Variants in CLDN2 observed in about 807,000 individuals in gnomAD.
The protein encoded by CLDN2 is claudin 2.
CLDN2 carries 1 observed loss-of-function variant against 8.2 expected under a neutral mutation model. The observed-to-expected ratio is 0.12, with a 90% confidence interval of 0.04 to 0.58. The LOEUF (loss-of-function observed/expected upper bound fraction) is 0.58, where lower values mean the gene tolerates loss of function less well. Among genes scored for constraint, CLDN2 ranks in the 20% least tolerant of loss-of-function variants. The probability of loss-of-function intolerance (pLI) is 0.90; values close to 1 mark genes in which losing one functional copy is unlikely to be tolerated. For missense variants in CLDN2, 108 were observed against 172.9 expected, an observed-to-expected ratio of 0.62 and a Z score of 2.11; for synonymous variants, 70 against 70.2, an observed-to-expected ratio of 1.00 and a Z score of 0.01.
intron 1 of CLDN2, among the ~76,000 whole-genome samples, chrX:106,925,031 G>A (rs1489667926): frequency 9.0e-6 from 1 of 111,175 alleles, no homozygotes; most frequent in Non-Finnish European, 1.9e-5. Flanking sequence ...ATAAGATATA[G>A]TCTTGCCCTC....
intron 1 of CLDN2, among the ~76,000 whole-genome samples, chrX:106,921,205 G>A (rs1331944841): frequency 8.9e-6 from 1 of 112,481 alleles, no homozygotes; most frequent in Non-Finnish European, 1.9e-5. Flanking sequence ...GTGTTCTAAA[G>A]TGAGAATGCT....
chrX:106,902,043 C>A (rs1224325075), intron 1 of CLDN2: 2 of 681,838 alleles, frequency 2.9e-6, no homozygotes, highest in Non-Finnish European at 4.5e-6. Context: ...CAGATCTGCA[C>A]CTTTGGACTG....
rs1933533914 is a variant in CLDN2, at chrX:106,930,274, A to T, written c.*1353A>T. ...AGTGATAGCTGCACTGCTGCCTGGGATTGCAGCTGAGGTGGGAGTGGAGAA... is the reference window on the plus strand; with the variant it reads ...AGTGATAGCTGCACTGCTGCCTGGGTTTGCAGCTGAGGTGGGAGTGGAGAA... On this transcript the variant is annotated 3_prime_UTR_variant, in exon 2 of 2. Transcript: ENST00000336803. The T allele has an allele frequency of 8.2e-6, 1 of 122,569 alleles. No homozygotes were observed. The highest frequency in any genetic ancestry group is 9.5e-5 in the Admixed American group (1 of 10,579). 10.1% of individuals were successfully genotyped at this position (122,569 alleles called of 1,213,427 possible).
chrX:106,926,827 A>ACACACACAC (rs1933474019), intron 1 of CLDN2, among the ~76,000 whole-genome samples: 1 of 62,587 alleles, frequency 1.6e-5, no homozygotes, highest in African/African-American at 6.7e-5. Flanking sequence ...ACACACACAC[A>ACACACACAC]ACTAGCCAGG....
upstream of CLDN2, among the ~76,000 whole-genome samples, chrX:106,919,859 C>T (rs1404008938): frequency 8.9e-6 from 1 of 112,511 alleles, no homozygotes; most frequent in Non-Finnish European, 1.9e-5. Flanking sequence ...GAGCCCTGTC[C>T]TTATGCTGGC....
chrX:106,923,114 A>G (rs1933416424), intron 1 of CLDN2, among the ~76,000 whole-genome samples: 2 of 110,519 alleles, frequency 1.8e-5, no homozygotes, highest in African/African-American at 6.6e-5. Flanking sequence ...AGCTGGGATT[A>G]CAGGCACATG....
intron 1 of CLDN2, among the ~76,000 whole-genome samples, chrX:106,925,533 T>A (rs1200458466): frequency 1.8e-5 from 2 of 112,129 alleles, no homozygotes; most frequent in Non-Finnish European, 3.8e-5. Context: ...GCTTGAGAGG[T>A]CATGGGGTAA....
At chrX:106,901,640 A>G (rs1326868277) in intron 1 of CLDN2, 1 of 827,576 alleles carries the variant, frequency 1.2e-6, no homozygotes, top group Non-Finnish European at 1.8e-6. Flanking sequence ...GATCTTGAAG[A>G]GACCTTAGAC....
chrX:106,911,114 A>AT (rs1327487160), intron 1 of CLDN2, among the ~76,000 whole-genome samples: 1 of 111,809 alleles, frequency 8.9e-6, no homozygotes, highest in Non-Finnish European at 1.9e-5. Context: ...GCCTTCCTCA[A>AT]TCTTTTACCA....
intron 1 of CLDN2, among the ~76,000 whole-genome samples, chrX:106,904,098 G>A (rs1013752933): frequency 2.7e-5 from 3 of 112,353 alleles, no homozygotes; most frequent in Non-Finnish European, 5.6e-5. Context: ...AGTTCTGCCC[G>A]ACTACAGAGC....
At chrX:106,900,582 G>A (rs372798446) in intron 1 of CLDN2, 9 of 914,308 alleles carry the variant, frequency 9.8e-6, no homozygotes, top group Admixed American at 4.0e-5. Context: ...TAATACTTCC[G>A]GCTAACTGAT....
intron 1 of CLDN2, among the ~76,000 whole-genome samples, chrX:106,907,696 G>A (rs894171824): frequency 1.1e-4 from 10 of 90,746 alleles, no homozygotes; most frequent in African/African-American, 2.9e-4. Context: ...GCGAGACTCC[G>A]TCTCAAAATA....
chrX:106,905,605 T>C (rs1933168232), intron 1 of CLDN2, among the ~76,000 whole-genome samples: 1 of 111,313 alleles, frequency 9.0e-6, no homozygotes, highest in African/African-American at 3.3e-5. Context: ...GGAGATGGTG[T>C]GCAAAGGAGG....
chrX:106,919,447 G>T (rs924965555), upstream of CLDN2, among the ~76,000 whole-genome samples: 1 of 111,090 alleles, frequency 9.0e-6, no homozygotes, highest in Admixed American at 9.6e-5. Flanking sequence ...GTTTGTTTTG[G>T]TTTGGTTTTA....
intron 1 of CLDN2, among the ~76,000 whole-genome samples, chrX:106,912,401 T>C (rs113162918): frequency 0.016 from 1,673 of 105,348 alleles, 14 homozygotes; most frequent in Non-Finnish European, 0.023. Context: ...GAATTTTTTA[T>C]GGAACTCTTT....
At chrX:106,927,685 T>C (rs1463840776) in intron 1 of CLDN2, among the ~76,000 whole-genome samples, 1 of 112,435 alleles carries the variant, frequency 8.9e-6, no homozygotes, top group Non-Finnish European at 1.9e-5. Context: ...TTCCTCCTGA[T>C]GTAGTCTGCA....
At chrX:106,912,448 C>G (rs1280727674) in intron 1 of CLDN2, among the ~76,000 whole-genome samples, 3 of 85,436 alleles carry the variant, frequency 3.5e-5, no homozygotes, top group African/African-American at 4.8e-5. Context: ...GAGTCTGGCT[C>G]TGTCATGCAG....
rs747096500 is a variant in CLDN2, at chrX:106,926,680, T to C, written c.-178-1371T>C. Among the ~76,000 whole-genome samples, 16 of 107,845 alleles carry C rather than the reference T, an allele frequency of 1.5e-4. No homozygotes were observed. The East Asian group carries it at 3.9e-3, about 26-fold the overall frequency. The allele number at this position is 107,845 out of a possible 115,157, so 93.7% of individuals were successfully genotyped here. On this transcript the variant is annotated intron_variant, in intron 1 of 1. Coordinates refer to ENST00000336803, the MANE Select transcript of CLDN2 (RefSeq NM_020384.4). ...GAGTTCAAGACCAGTGTGGGCAACA[T>C]GGCAAAACCTGGTCTCTACAAAAAA...
upstream of CLDN2, among the ~76,000 whole-genome samples, chrX:106,916,029 A>C (rs1933305330): frequency 9.2e-6 from 1 of 108,950 alleles, no homozygotes; most frequent in Non-Finnish European, 1.9e-5. Context: ...TATATAACAA[A>C]CCTGCACATA....
Sources: gnomAD v4.1 joint callset for allele counts (sites outside exome capture counted in the v4.1 genomes callset) on GRCh38, gnomAD v4.1.1 for gene constraint, MANE v1.5 for transcripts, NCBI Gene and HGNC (gene_info 2026-07-23, HGNC 2026-07-21) for gene names.